The following ATCAY variants were observed in gnomAD, a reference collection of about 807,000 sequenced individuals.
ATCAY encodes the protein ATCAY kinesin light chain interacting caytaxin.
A neutral mutation model predicts 47.7 loss-of-function variants in ATCAY; 22 were observed. The ratio of observed to expected loss-of-function variants is 0.46; its 90% CI spans 0.33 to 0.66. The LOEUF (loss-of-function observed/expected upper bound fraction) is 0.66. Ranked by LOEUF, ATCAY falls within the 30% of genes least tolerant of loss-of-function variation. The pLI is 0.02. For synonymous variants in ATCAY, 216 were observed against 207.6 expected (o/e 1.04, Z -0.35); for missense variants, 452 against 515.0 (o/e 0.88, Z 1.18).
intron 2 of ATCAY, among the ~76,000 whole-genome samples, chr19:3,892,039 A>G (rs1334785717): frequency 6.6e-6 from 1 of 151,604 alleles, no homozygotes; most frequent in Non-Finnish European, 1.5e-5. Flanking sequence ...ACAGGCGCCC[A>G]CCACCACGCC....
intron 2 of ATCAY, among the ~76,000 whole-genome samples, chr19:3,894,612 G>A (rs2038749216): frequency 7.9e-6 from 1 of 126,372 alleles, no homozygotes; most frequent in Admixed American, 9.9e-5. Context: ...AACATGGCGA[G>A]ACCCTGTGTC....
intron 2 of ATCAY, among the ~76,000 whole-genome samples, chr19:3,890,247 A>ATT (rs764697276): frequency 0.028 from 1,097 of 38,642 alleles, 201 homozygotes; most frequent in African/African-American, 0.049. Context: ...TCCACCTATA[A>ATT]TTTTTTTTTT....
chr19:3,914,928 C>A (rs1308996311), intron 9 of ATCAY, among the ~76,000 whole-genome samples: 1 of 151,770 alleles, frequency 6.6e-6, no homozygotes. Flanking sequence ...TGAGGGGAAA[C>A]GCAGACTTGG....
In ATCAY at chr19:3,920,790, G is replaced by T. The variant is rs374308941; in HGVS notation, c.1098G>T (p.Gln366His). The change falls in exon 12 of 13, where the codon CAG becomes CAT. Residue 366 changes from glutamine (Q) to histidine (H), a missense_variant. Physicochemically the swap from Gln to His is conservative, Grantham distance 24 (BLOSUM62 0). Transcript: ENST00000450849. ...ENRSALVSED[Q>H]ETSMS is the part of the protein sequence containing the mutation. ...GGTCTGCTCTGGTCTCAGAAGATCAGGAAACAAGGTGGGTGTGATGCAGAG... is the reference window on the plus strand; with the variant it reads ...GGTCTGCTCTGGTCTCAGAAGATCATGAAACAAGGTGGGTGTGATGCAGAG... The T allele has an allele frequency of 8.7e-6, 14 of 1,613,682 alleles. No individual in the cohort carries two copies. Among genetic ancestry groups the T allele is most frequent in the Middle Eastern group, 1.6e-4 (1 of 6,084 alleles).
rs2038873620 is a variant in ATCAY, at chr19:3,907,627, T to C, written c.359-107T>C. 7.3e-7 allele frequency: 1 copy of C among 1,362,868 alleles called. No individual in the cohort carries two copies. The highest frequency in any genetic ancestry group is 1.5e-5 in the African/African-American group (1 of 68,524). The allele number at this position is 1,362,868 out of a possible 1,614,324, so 84.4% of individuals were successfully genotyped here. On this transcript the variant is annotated intron_variant, in intron 4 of 12. Transcript: ENST00000450849. The surrounding 1 kb of genome is among the most constrained non-coding windows in gnomAD (Gnocchi z 5.1). ...CAGGTGGGGAGAAGCGAAGGACTTG[T>C]GGGTCCCGGCAGCGAGGGAGGTGGG...
intron 2 of ATCAY, among the ~76,000 whole-genome samples, chr19:3,889,335 C>T (rs2038692538): frequency 1.3e-5 from 2 of 152,168 alleles, no homozygotes; most frequent in Non-Finnish European, 2.9e-5. Context: ...ATCGCTTGAA[C>T]GCGGGAGGCG....
chr19:3,907,947 G>A lies in ATCAY; in HGVS notation c.544+28G>A. 6.2e-7 allele frequency: 1 copy of A among 1,603,620 alleles called. No individual in the cohort carries two copies. The highest frequency in any genetic ancestry group is 8.5e-7 in the Non-Finnish European group (1 of 1,175,216). ...GAGACCCGCCCCCCGGTGCCCCCTT[G>A]GGGCTCCAGCCCGGCCCACTGGGCA... On this transcript the variant is annotated intron_variant, in intron 5 of 12. Transcript: ENST00000450849. This position sits in a 1 kb window ranked among gnomAD's most constrained non-coding sequence, Gnocchi z 5.1.
chr19:3,915,190 GAGA>G (rs2038956229), intron 9 of ATCAY, among the ~76,000 whole-genome samples: 1 of 151,760 alleles, frequency 6.6e-6, no homozygotes, highest in South Asian at 2.1e-4. Context: ...TTTATTTTTT[GAGA>G]AGGAGTTTCA....
rs562067813 is a variant in ATCAY, at chr19:3,901,370, T to G, written c.78-1117T>G. On this transcript the variant is annotated intron_variant, in intron 2 of 12. Coordinates refer to ENST00000450849, the MANE Select transcript of ATCAY (RefSeq NM_033064.5). ...GGGTTATAATTCAATATTTCATTAT[T>G]TATTTGGTTGCACAAACTGTTCCAG... Among the ~76,000 whole-genome samples, 3 of 152,322 alleles carry G rather than the reference T, an allele frequency of 2.0e-5. No homozygotes were observed. The East Asian group carries it at 5.8e-4, about 29-fold the overall frequency.
intron 2 of ATCAY, among the ~76,000 whole-genome samples, chr19:3,893,138 C>T (rs550331546): frequency 1.6e-4 from 24 of 151,230 alleles, no homozygotes; most frequent in Admixed American, 6.6e-5. Context: ...GACGAAGCCA[C>T]GCTGTGCATC....
At chr19:3,914,235 C>CAAAAAAAAAAAA (rs56742726) in intron 9 of ATCAY, among the ~76,000 whole-genome samples, 17 of 62,562 alleles carry the variant, frequency 2.7e-4, no homozygotes, top group African/African-American at 7.3e-4. Flanking sequence ...GACTCCATCG[C>CAAAAAAAAAAAA]AAAAAAAAAA....
intron 2 of ATCAY, among the ~76,000 whole-genome samples, chr19:3,887,445 G>A (rs146310389): frequency 0.023 from 3,476 of 151,838 alleles, 100 homozygotes; most frequent in African/African-American, 0.069. Context: ...GTGACAGAGC[G>A]AGACTCTGTC....
chr19:3,910,568 GTC>G (rs1004666941), intron 7 of ATCAY, among the ~76,000 whole-genome samples: 9 of 152,108 alleles, frequency 5.9e-5, no homozygotes, highest in Non-Finnish European at 4.4e-5. Flanking sequence ...GCACCATGGG[GTC>G]TCTACCTACC....
chr19:3,881,482 C>T (rs1477425249), intron 1 of ATCAY, among the ~76,000 whole-genome samples: 3 of 141,658 alleles, frequency 2.1e-5, no homozygotes, highest in Non-Finnish European at 4.8e-5. Flanking sequence ...GATGCCTCCT[C>T]CTTATTGGAA....
In ATCAY at chr19:3,905,665, AGGGTCTCTCTG is replaced by A; in HGVS notation, c.358+14_358+24del. On this transcript the variant is annotated intron_variant, in intron 4 of 12. Coordinates refer to ENST00000450849, the MANE Select transcript of ATCAY (RefSeq NM_033064.5). Reference sequence around the variant, plus strand: ...GAACTGGAGTGGGAAGGTAAAGTTCAGGGTCTCTCTGGGGCCTGCTGGAGCCCACCCCCCCC... The same window carrying A: ...GAACTGGAGTGGGAAGGTAAAGTTCAGGGCCTGCTGGAGCCCACCCCCCCC... 2 of 1,610,914 alleles carry A rather than the reference AGGGTCTCTCTG, an allele frequency of 1.2e-6. No homozygotes were observed. The highest frequency in any genetic ancestry group is 2.2e-5 in the South Asian group (2 of 90,946).
At chr19:3,885,965 C>G (rs1384197974) in intron 2 of ATCAY, 121 bp downstream of exon 2, 1 of 891,686 alleles carries the variant, frequency 1.1e-6, no homozygotes, top group African/African-American at 1.7e-5. Flanking sequence ...CTGGTTCCAT[C>G]TCCGCGTCCT....
chr19:3,904,476 C>T (rs930113320), intron 3 of ATCAY, among the ~76,000 whole-genome samples: 1 of 152,212 alleles, frequency 6.6e-6, no homozygotes, highest in African/African-American at 2.4e-5. Flanking sequence ...ATTCTGCCTG[C>T]GGACGGTTTT....
intron 9 of ATCAY, among the ~76,000 whole-genome samples, chr19:3,914,639 G>T (rs1313372586): frequency 6.6e-6 from 1 of 151,974 alleles, no homozygotes; most frequent in Non-Finnish European, 1.5e-5. Context: ...TGGCCAAGAT[G>T]GTGAAACCCT....
At chr19:3,890,146 G>A (rs1250884424) in intron 2 of ATCAY, among the ~76,000 whole-genome samples, 1 of 148,284 alleles carries the variant, frequency 6.7e-6, no homozygotes, top group Non-Finnish European at 1.5e-5. Flanking sequence ...GTTTCACCGT[G>A]TTGGCCAGGC....
Sources: gnomAD v4.1 joint callset for allele counts (sites outside exome capture counted in the v4.1 genomes callset) on GRCh38, gnomAD v4.1.1 for gene constraint, Gnocchi (gnomAD v3.1) non-coding constraint, MANE v1.5 for transcripts, NCBI Gene and HGNC (gene_info 2026-07-23, HGNC 2026-07-21) for gene names.